The following PCDHGA3 variants were observed in gnomAD, a reference collection of about 807,000 sequenced individuals.
PCDHGA3 encodes protocadherin gamma-A3.
A neutral mutation model predicts 58.5 loss-of-function variants in PCDHGA3; 40 were observed. The observed-to-expected ratio is 0.68, with a 90% confidence interval of 0.53 to 0.89. PCDHGA3 has a LOEUF of 0.89. Among genes scored for constraint, PCDHGA3 ranks in the 40% least tolerant of loss-of-function variants. PCDHGA3 has a pLI of 0.00. For synonymous variants in PCDHGA3, 530 were observed against 525.7 expected (o/e 1.01, Z -0.11); for missense variants, 1,223 against 1,195.9 (o/e 1.02, Z -0.33).
At chr5:141,348,765 T>C (rs1006453584) in intron 1 of PCDHGA3, among the ~76,000 whole-genome samples, 1 of 152,214 alleles carries the variant, frequency 6.6e-6, no homozygotes, top group Admixed American at 6.5e-5. Flanking sequence ...TATAAAGGCA[T>C]GATGCAAGGA....
chr5:141,501,425 G>A (rs1444899306), intron 2 of PCDHGA3, among the ~76,000 whole-genome samples: 1 of 151,726 alleles, frequency 6.6e-6, no homozygotes, highest in Non-Finnish European at 1.5e-5. Flanking sequence ...TTGACTAAAT[G>A]TAGTCCATTT....
intron 1 of PCDHGA3, chr5:141,389,183 T>C: frequency 6.2e-7 from 1 of 1,613,988 alleles, no homozygotes. Context: ...TCTCCTCCAG[T>C]TCCAGCATCA....
At chr5:141,385,391 A>G (rs1781168651) in intron 1 of PCDHGA3, 1 of 1,505,360 alleles carries the variant, frequency 6.6e-7, no homozygotes, top group Non-Finnish European at 8.9e-7. Context: ...TTATTTTGCA[A>G]AACAAATGTT....
At chr5:141,464,604 G>A (rs1445968596) in intron 1 of PCDHGA3, among the ~76,000 whole-genome samples, 1 of 152,106 alleles carries the variant, frequency 6.6e-6, no homozygotes, top group East Asian at 1.9e-4. Context: ...AGTCTCCTTT[G>A]CAGAGTATAT....
At chr5:141,463,176 C>T (rs989201395) in intron 1 of PCDHGA3, among the ~76,000 whole-genome samples, 2 of 152,100 alleles carry the variant, frequency 1.3e-5, no homozygotes, top group African/African-American at 4.8e-5. Context: ...TATGTATGCT[C>T]AGATTATTAT....
chr5:141,371,708 C>A (rs1767965097), intron 1 of PCDHGA3: 1 of 1,614,064 alleles, frequency 6.2e-7, no homozygotes, highest in East Asian at 2.2e-5. Flanking sequence ...GCAAGACCAT[C>A]ACTCTGCACA....
intron 1 of PCDHGA3, chr5:141,404,335 C>G (rs2094514976): frequency 1.2e-6 from 2 of 1,613,936 alleles, no homozygotes; most frequent in Non-Finnish European, 1.7e-6. Context: ...CAGTCTACCT[C>G]CCGGAAAACA....
chr5:141,419,072 G>C (rs17208397), intron 1 of PCDHGA3: 242,774 of 1,613,756 alleles, frequency 0.15, 19,855 homozygotes, highest in Non-Finnish European at 0.17. Context: ...CTACAAGCTA[G>C]TAACAGATGA....
In PCDHGA3 at chr5:141,491,534, G is replaced by A. The variant is rs376996144; in HGVS notation, c.2425-3273G>A. On this transcript the variant is annotated intron_variant, in intron 1 of 3. Coordinates refer to ENST00000253812, the MANE Select transcript of PCDHGA3 (RefSeq NM_018916.4). This position sits in a 1 kb window ranked among gnomAD's most constrained non-coding sequence, Gnocchi z 6.9. The stretch of plus-strand genomic sequence containing the variant: ...CTCAAGTACATGGAGGTGACGCTGC[G>A]GCCCACAGACTCGCAGAGCCACTGC... The A allele has an allele frequency of 6.2e-7, 1 of 1,614,030 alleles. No homozygotes were observed. The highest frequency in any genetic ancestry group is 8.5e-7 in the Non-Finnish European group (1 of 1,180,028).
rs1317111249 is a variant in PCDHGA3, at chr5:141,413,333, C to A, written c.2424+66876C>A. 3.1e-6 allele frequency: 5 copies of A among 1,613,966 alleles called. No individual in the cohort carries two copies. The Admixed American group carries it at 6.7e-5, about 22-fold the overall frequency. On this transcript the variant is annotated intron_variant, in intron 1 of 3. Coordinates refer to ENST00000253812, the MANE Select transcript of PCDHGA3 (RefSeq NM_018916.4). ...AAAGGCTCTTTCGTGGGCAACATCTCCAAGGACTTGGGTCTGGCGCCCCGG... is the reference window on the plus strand; with the variant it reads ...AAAGGCTCTTTCGTGGGCAACATCTACAAGGACTTGGGTCTGGCGCCCCGG...
intron 1 of PCDHGA3, chr5:141,372,040 G>C (rs1768337326): frequency 6.2e-7 from 1 of 1,613,472 alleles, no homozygotes; most frequent in Middle Eastern, 1.7e-4. Flanking sequence ...GTGAGCCTGC[G>C]CGTGTTGGTG....
chr5:141,399,817 G>T (rs369747431), intron 1 of PCDHGA3: 1 of 1,613,224 alleles, frequency 6.2e-7, no homozygotes, highest in South Asian at 1.1e-5. Flanking sequence ...CCCCGCGCTG[G>T]GTCCCGACGG....
chr5:141,450,755 G>A (rs556795021), intron 1 of PCDHGA3, among the ~76,000 whole-genome samples: 8 of 152,040 alleles, frequency 5.3e-5, no homozygotes, highest in Admixed American at 1.3e-4. Context: ...CCAAAGTGCC[G>A]GGATTACAGG....
At chr5:141,355,336 G>A (rs1759805102) in intron 1 of PCDHGA3, 1 of 1,613,888 alleles carries the variant, frequency 6.2e-7, no homozygotes, top group African/African-American at 1.3e-5. Flanking sequence ...CTCAGTGGTG[G>A]GCAACATCGC....
At chr5:141,350,611 T>G (rs764436152) in intron 1 of PCDHGA3, 1 of 1,613,920 alleles carries the variant, frequency 6.2e-7, no homozygotes, top group Non-Finnish European at 8.5e-7. Context: ...TCCACGTGGT[T>G]GTTGTAATCC....
At position 141,344,550 on chromosome 5, in the gene PCDHGA3, A is replaced by T. The variant is rs750205037; in HGVS notation, c.517A>T (p.Ser173Cys). The T allele has an allele frequency of 3.1e-6, 5 of 1,614,028 alleles. No homozygotes were observed. The highest frequency in any genetic ancestry group is 3.3e-4 in the Middle Eastern group (2 of 6,062). ...GINSLQNYKL[S>C]PNDYFSLAVN... Reference sequence around the variant, plus strand: ...TAACTCCCTGCAGAACTACAAGCTTAGCCCCAATGACTACTTCTCTCTGGC... The same window carrying T: ...TAACTCCCTGCAGAACTACAAGCTTTGCCCCAATGACTACTTCTCTCTGGC... The change falls in exon 1 of 4, where the codon AGC (serine) becomes TGC (cysteine). Residue 173 changes from serine (S) to cysteine (C), a missense_variant. Ser to Cys is a moderately radical substitution (Grantham distance 112). Coordinates refer to ENST00000253812, the MANE Select transcript of PCDHGA3 (RefSeq NM_018916.4).
chr5:141,355,244 A>G lies in PCDHGA3; in HGVS notation c.2424+8787A>G, dbSNP rs200737190. 1.0e-4 allele frequency: 169 copies of G among 1,613,114 alleles called. No homozygotes were observed. The African/African-American group carries it at 2.1e-3, about 20-fold the overall frequency. ...CGCCCAGACCACACCCGGCTGCTCC[A>G]GATCTGCCTTCTCCTGGGGGTTCTG... is the stretch of plus-strand genomic sequence containing the variant. On this transcript the variant is annotated intron_variant, in intron 1 of 3. Coordinates refer to ENST00000253812, the MANE Select transcript of PCDHGA3 (RefSeq NM_018916.4).
intron 1 of PCDHGA3, chr5:141,492,046 A>C: frequency 6.1e-6 from 3 of 494,434 alleles, no homozygotes; most frequent in South Asian, 8.1e-5. Flanking sequence ...TCACAGATCC[A>C]CCCCTGCAGC....
In PCDHGA3 at chr5:141,376,747, C is replaced by A. The variant is rs532627412; in HGVS notation, c.2424+30290C>A. 2,536 of 471,218 alleles carry A rather than the reference C, an allele frequency of 5.4e-3. 48 individuals carry two copies. The highest frequency in any genetic ancestry group is 0.052 in the African/African-American group (2,354 of 45,460). The allele number at this position is 471,218 out of a possible 1,614,324, so 29.2% of individuals were successfully genotyped here. ...CAGGCCGGACTGCGGACTGCAGTGG[C>A]GCAATCTCGGCTCACTGCAAGCTCC... On this transcript the variant is annotated intron_variant, in intron 1 of 3. Transcript: ENST00000253812.
Sources: gnomAD v4.1 joint callset for allele counts (sites outside exome capture counted in the v4.1 genomes callset) on GRCh38, gnomAD v4.1.1 for gene constraint, Gnocchi (gnomAD v3.1) non-coding constraint, MANE v1.5 for transcripts, NCBI Gene and HGNC (gene_info 2026-07-23, HGNC 2026-07-21) for gene names.